Variants in SDCCAG8 observed in about 807,000 individuals in gnomAD.
SDCCAG8 encodes the protein SHH signaling and ciliogenesis regulator SDCCAG8.
A neutral mutation model predicts 101.8 loss-of-function variants in SDCCAG8; 74 were observed. The observed-to-expected ratio is 0.73, with a 90% CI of 0.60 to 0.88. The LOEUF (loss-of-function observed/expected upper bound fraction) is 0.88. Among genes scored for constraint, SDCCAG8 ranks in the 40% least tolerant of loss-of-function variants. The pLI is 0.00. For missense variants in SDCCAG8, 787 were observed against 822.6 expected, an observed-to-expected ratio of 0.96 and a Z score of 0.53; for synonymous variants, 281 against 292.9, an observed-to-expected ratio of 0.96 and a Z score of 0.41.
intron 6 of SDCCAG8, among the ~76,000 whole-genome samples, chr1:243,295,299 G>A (rs922156667): frequency 2.0e-5 from 3 of 152,082 alleles, no homozygotes; most frequent in African/African-American, 7.2e-5. Context: ...GTGCAGTGGT[G>A]CCATCTCAGC....
At chr1:243,426,370 A>G (rs1020147759) in intron 15 of SDCCAG8, 57 bp from the exon 16 acceptor site, 35 of 1,431,046 alleles carry the variant, frequency 2.4e-5, no homozygotes, top group Non-Finnish European at 3.1e-5. Context: ...TATAATAACA[A>G]TATGCCCTAG....
intron 4 of SDCCAG8, among the ~76,000 whole-genome samples, chr1:243,283,339 A>G (rs2069243162): frequency 6.6e-6 from 1 of 151,364 alleles, no homozygotes; most frequent in African/African-American, 2.4e-5. Context: ...GAAATTTTTC[A>G]GTCATTATTG....
chr1:243,415,880 C>T, intron 14 of SDCCAG8, 51 bp downstream of exon 14: 1 of 1,600,806 alleles, frequency 6.2e-7, no homozygotes, highest in Non-Finnish European at 8.5e-7. Flanking sequence ...CAAGTCAGGC[C>T]CACGCCTTAC....
intron 17 of SDCCAG8, among the ~76,000 whole-genome samples, chr1:243,492,597 C>A (rs1666786766): frequency 2.1e-5 from 3 of 143,140 alleles, no homozygotes; most frequent in South Asian, 2.2e-4. Context: ...AGCCACTGCG[C>A]CCAGCTGTTT....
intron 1 of SDCCAG8, chr1:243,268,056 G>A (rs900880254): frequency 3.5e-5 from 27 of 765,794 alleles, no homozygotes; most frequent in African/African-American, 3.4e-4. Context: ...TTAAGCCTCT[G>A]ATCTCTGAGA....
intron 9 of SDCCAG8, among the ~76,000 whole-genome samples, chr1:243,327,648 AG>A (rs1171391735): frequency 6.6e-6 from 1 of 152,162 alleles, no homozygotes; most frequent in African/African-American, 2.4e-5. Context: ...CTCAATCGAC[AG>A]GGATTCTGAA....
At chr1:243,359,028 G>A (rs532014128) in intron 12 of SDCCAG8, among the ~76,000 whole-genome samples, 5 of 152,292 alleles carry the variant, frequency 3.3e-5, no homozygotes, top group African/African-American at 4.8e-5. Flanking sequence ...AAAATCGGTT[G>A]TGGTAATAGT....
At chr1:243,259,702 C>T (rs887320066) in intron 1 of SDCCAG8, among the ~76,000 whole-genome samples, 1 of 151,992 alleles carries the variant, frequency 6.6e-6, no homozygotes, top group African/African-American at 2.4e-5. Context: ...GCGTGTAACC[C>T]CAGCTACTCG....
chr1:243,273,431 A>G (rs1257114119), intron 3 of SDCCAG8, among the ~76,000 whole-genome samples: 1 of 152,198 alleles, frequency 6.6e-6, no homozygotes, highest in Non-Finnish European at 1.5e-5. Flanking sequence ...TAAGCTATAC[A>G]TTAACAGTCA....
At position 243,430,391 on chromosome 1, in the gene SDCCAG8, T is replaced by C. The variant is rs1275258572; in HGVS notation, c.1985+3833T>C. ...GTGGCATACAATGAGGTTGGAGAGG[T>C]AGGAAAGGGCTGGACCTAAAGGCAG... On this transcript the variant is annotated intron_variant, in intron 16 of 17. Coordinates refer to ENST00000366541, the MANE Select transcript of SDCCAG8 (RefSeq NM_006642.5). Among the ~76,000 whole-genome samples the C allele has an allele frequency of 2.0e-5, 3 of 151,958 alleles. No individual in the cohort carries two copies. In the East Asian group the frequency reaches 5.8e-4, roughly 29 times the overall value.
At position 243,377,892 on chromosome 1, in the gene SDCCAG8, G is replaced by A. The variant is rs189054615; in HGVS notation, c.1474-829G>A. 3.8e-3 allele frequency among the ~76,000 whole-genome samples: 524 copies of A among 137,338 alleles called. 4 individuals are homozygous for A. Among genetic ancestry groups the A allele is most frequent in the Non-Finnish European group, 7.0e-3 (442 of 63,306 alleles). The allele number at this position is 137,338 out of a possible 152,430, so 90.1% of individuals were successfully genotyped here. On this transcript the variant is annotated intron_variant, in intron 12 of 17. Coordinates refer to ENST00000366541, the MANE Select transcript of SDCCAG8 (RefSeq NM_006642.5). ...TAAAGGTTCATCTTTTATTTTCTTT[G>A]GCTTAATTTTACAGATGTTCTATTG...
chr1:243,485,067 CAGA>C (rs1664531984), intron 16 of SDCCAG8, among the ~76,000 whole-genome samples: 1 of 146,744 alleles, frequency 6.8e-6, no homozygotes, highest in Non-Finnish European at 1.5e-5. Context: ...GAAGAAGAAG[CAGA>C]AGAAGAGAGG....
At chr1:243,277,546 G>C (rs1314090818) in intron 4 of SDCCAG8, among the ~76,000 whole-genome samples, 2 of 152,168 alleles carry the variant, frequency 1.3e-5, no homozygotes, top group Non-Finnish European at 2.9e-5. Context: ...TTGGATGCCA[G>C]TCCTTTATCA....
At chr1:243,299,485 C>T (rs1279376549) in intron 6 of SDCCAG8, among the ~76,000 whole-genome samples, 1 of 152,144 alleles carries the variant, frequency 6.6e-6, no homozygotes, top group Admixed American at 6.5e-5. Context: ...ATGATCTTGG[C>T]TCACTGCAAC....
At chr1:243,365,157 C>T (rs912852418) in intron 12 of SDCCAG8, among the ~76,000 whole-genome samples, 2 of 152,012 alleles carry the variant, frequency 1.3e-5, no homozygotes, top group Non-Finnish European at 2.9e-5. Flanking sequence ...GTGGGCTTAG[C>T]GAGTGGTTTA....
At chr1:243,491,216 G>A (rs993230183) in intron 17 of SDCCAG8, among the ~76,000 whole-genome samples, 9 of 152,154 alleles carry the variant, frequency 5.9e-5, no homozygotes, top group Non-Finnish European at 1.3e-4. Context: ...TTCTTCCAGG[G>A]CTTTAAAAAT....
rs1669079103 is a variant in SDCCAG8, at chr1:243,499,883, G to A, written c.*98G>A. On this transcript the variant is annotated 3_prime_UTR_variant, in exon 18 of 18. Coordinates refer to ENST00000366541, the MANE Select transcript of SDCCAG8 (RefSeq NM_006642.5). ...CCACAACGCACCACGACCTTCCCAG[G>A]GTGACACCGCCTCAGCCTGCAGTGG... The A allele has an allele frequency of 8.5e-6, 10 of 1,182,584 alleles. No homozygotes were observed. Among genetic ancestry groups the A allele is most frequent in the Non-Finnish European group, 1.2e-5 (10 of 805,544 alleles). The allele number at this position is 1,182,584 out of a possible 1,614,324, so 73.3% of individuals were successfully genotyped here.
At chr1:243,437,531 CTTTTTT>C (rs931257839) in intron 16 of SDCCAG8, among the ~76,000 whole-genome samples, 5 of 129,584 alleles carry the variant, frequency 3.9e-5, no homozygotes, top group Admixed American at 7.8e-5. Flanking sequence ...TGGAGGAATT[CTTTTTT>C]TTTTTTTTTT....
intron 16 of SDCCAG8, among the ~76,000 whole-genome samples, chr1:243,475,108 C>T (rs1470338014): frequency 2.0e-5 from 3 of 152,086 alleles, no homozygotes; most frequent in African/African-American, 4.8e-5. Flanking sequence ...CAGGCCCAAG[C>T]TCTGTCCTGC....
Sources: gnomAD v4.1 joint callset for allele counts (sites outside exome capture counted in the v4.1 genomes callset) on GRCh38, gnomAD v4.1.1 for gene constraint, MANE v1.5 for transcripts, NCBI Gene and HGNC (gene_info 2026-07-23, HGNC 2026-07-21) for gene names.